Variants in PLCB4 observed in about 807,000 individuals in gnomAD.
PLCB4 encodes 1-phosphatidylinositol 4,5-bisphosphate phosphodiesterase beta-4.
A neutral mutation model predicts 178.8 loss-of-function variants in PLCB4; 77 were observed. That is an observed-to-expected ratio of 0.43 (90% confidence interval 0.36 to 0.52). PLCB4 has a LOEUF of 0.52. Among genes scored for constraint, PLCB4 ranks in the 20% least tolerant of loss-of-function variants. The pLI is 0.00. For synonymous variants in PLCB4, 496 were observed against 490.8 expected, an observed-to-expected ratio of 1.01 and a Z score of -0.14; for missense variants, 1,024 against 1,453.4, an observed-to-expected ratio of 0.70 and a Z score of 4.80.
intron 3 of PLCB4, among the ~76,000 whole-genome samples, chr20:9,293,747 T>C (rs1397312002): frequency 6.6e-6 from 1 of 152,140 alleles, no homozygotes; most frequent in Non-Finnish European, 1.5e-5. Flanking sequence ...AACAAATAGC[T>C]GTTTACCAGG....
At chr20:9,264,472 G>A (rs1246751543) in intron 3 of PLCB4, among the ~76,000 whole-genome samples, 1 of 152,126 alleles carries the variant, frequency 6.6e-6, no homozygotes, top group African/African-American at 2.4e-5. Flanking sequence ...GGGCAATCAG[G>A]TGGCCTCTCT....
At chr20:9,470,391 T>C (rs2044106305) in intron 36 of PLCB4, among the ~76,000 whole-genome samples, 3 of 152,104 alleles carry the variant, frequency 2.0e-5, no homozygotes, top group African/African-American at 7.2e-5. Context: ...TAAGCAACTT[T>C]GTTTAAGGGC....
At chr20:9,316,151 T>C (rs1272439068) in intron 4 of PLCB4, among the ~76,000 whole-genome samples, 1 of 151,878 alleles carries the variant, frequency 6.6e-6, no homozygotes, top group Admixed American at 6.6e-5. Context: ...GAGCAGTAGT[T>C]CTCTCAAAGT....
At chr20:9,357,379 G>T (rs541569840) in intron 7 of PLCB4, among the ~76,000 whole-genome samples, 1 of 152,172 alleles carries the variant, frequency 6.6e-6, no homozygotes, top group African/African-American at 2.4e-5. Flanking sequence ...TTCAGCCCAG[G>T]TGGGGTGGGA....
intron 12 of PLCB4, among the ~76,000 whole-genome samples, chr20:9,378,907 A>C (rs989049449): frequency 2.0e-5 from 3 of 152,156 alleles, no homozygotes; most frequent in African/African-American, 7.2e-5. Context: ...TGCCCATTCC[A>C]AAGCAAATAG....
intron 1 of PLCB4, among the ~76,000 whole-genome samples, chr20:9,094,303 A>C (rs2090810808): frequency 1.3e-5 from 2 of 152,312 alleles, no homozygotes; most frequent in South Asian, 4.1e-4. Flanking sequence ...TGGCTTTGGA[A>C]TATTGAAATA....
chr20:9,068,950 G>C (rs1334995086), upstream of PLCB4: 1 of 151,668 alleles, frequency 6.6e-6, no homozygotes, highest in African/African-American at 2.4e-5. Context: ...AGGCCAGGGA[G>C]GGGGTGCGGA....
chr20:9,451,731 T>G (rs1374992419), intron 32 of PLCB4, among the ~76,000 whole-genome samples: 1 of 152,214 alleles, frequency 6.6e-6, no homozygotes, highest in East Asian at 1.9e-4. Context: ...TAGATAGGTT[T>G]GTATGTCACT....
chr20:9,095,315 C>T lies in PLCB4; in HGVS notation c.-134-972C>T, dbSNP rs143763591. Among the ~76,000 whole-genome samples the T allele has an allele frequency of 9.9e-5, 15 of 151,996 alleles. No homozygotes were observed. In the East Asian group the frequency reaches 2.7e-3, roughly 27 times the overall value. On this transcript the variant is annotated intron_variant, in intron 1 of 39. Coordinates refer to ENST00000378473, the MANE Select transcript of PLCB4 (RefSeq NM_001377142.1). ...TGGTCTCCTTGAATTTATGCATTGG[C>T]GGTCATTTCAAATCTTTGGAGCTCT...
chr20:9,444,497 G>T (rs551264622), intron 32 of PLCB4, among the ~76,000 whole-genome samples: 5 of 152,290 alleles, frequency 3.3e-5, no homozygotes, highest in African/African-American at 1.2e-4. Context: ...GGGCACAGTG[G>T]CTCACGCCTG....
intron 4 of PLCB4, among the ~76,000 whole-genome samples, chr20:9,324,836 G>A (rs2030168018): frequency 2.0e-5 from 3 of 151,998 alleles, no homozygotes; most frequent in Admixed American, 2.0e-4. Flanking sequence ...CAACTGGAGT[G>A]ACGTATCATG....
At chr20:9,315,159 T>C (rs987759304) in intron 4 of PLCB4, among the ~76,000 whole-genome samples, 2 of 152,170 alleles carry the variant, frequency 1.3e-5, no homozygotes, top group African/African-American at 4.8e-5. Flanking sequence ...TAATTAGGGG[T>C]AAGATCGTAA....
intron 2 of PLCB4, among the ~76,000 whole-genome samples, chr20:9,193,206 T>C (rs1456179342): frequency 6.6e-6 from 1 of 152,204 alleles, no homozygotes; most frequent in African/African-American, 2.4e-5. Flanking sequence ...AAGTGACTTA[T>C]TGGAAAGATG....
At chr20:9,170,567 G>A (rs562358026) in intron 2 of PLCB4, among the ~76,000 whole-genome samples, 3 of 152,280 alleles carry the variant, frequency 2.0e-5, no homozygotes, top group Non-Finnish European at 4.4e-5. Flanking sequence ...TGTTTCCTAC[G>A]AAGATTGTGT....
intron 25 of PLCB4, among the ~76,000 whole-genome samples, chr20:9,414,937 A>G (rs1262834215): frequency 6.6e-6 from 1 of 152,224 alleles, no homozygotes; most frequent in Non-Finnish European, 1.5e-5. Flanking sequence ...CACAGGCCGT[A>G]CGTTCTAAGA....
intron 1 of PLCB4, among the ~76,000 whole-genome samples, chr20:9,083,760 AT>A (rs2090274260): frequency 6.6e-6 from 1 of 151,512 alleles, no homozygotes; most frequent in Admixed American, 6.6e-5. Flanking sequence ...ATCTGTGACC[AT>A]ACAGGCACAG....
At chr20:9,391,878 G>T (rs749515065) in intron 17 of PLCB4, among the ~76,000 whole-genome samples, 1 of 152,126 alleles carries the variant, frequency 6.6e-6, no homozygotes, top group Non-Finnish European at 1.5e-5. Context: ...TTCCCAGCAG[G>T]ATCGTGCTCC....
At chr20:9,283,214 T>C (rs2094509439) in intron 3 of PLCB4, among the ~76,000 whole-genome samples, 2 of 151,914 alleles carry the variant, frequency 1.3e-5, no homozygotes, top group South Asian at 2.1e-4. Context: ...ATATACATGC[T>C]CCTCCTTCTA....
intron 25 of PLCB4, among the ~76,000 whole-genome samples, chr20:9,412,397 T>A (rs1024936419): frequency 6.6e-6 from 1 of 152,124 alleles, no homozygotes; most frequent in Non-Finnish European, 1.5e-5. Context: ...CTTGCTGTAT[T>A]GCCTAGAGCA....
Sources: allele counts gnomAD v4.1 joint callset (sites outside exome capture counted in the v4.1 genomes callset), GRCh38; gene constraint gnomAD v4.1.1; transcripts MANE v1.5; gene names NCBI Gene and HGNC (gene_info 2026-07-23, HGNC 2026-07-21).